Variants in FERRY3 observed in about 807,000 individuals in gnomAD.
FERRY3 encodes the protein FERRY endosomal RAB5 effector complex subunit 3.
chr12:4,508,878 C>G, the FERRY3 span: 1 of 152,188 alleles, frequency 6.6e-6, no homozygotes, highest in Non-Finnish European at 1.5e-5. Context: ...TGACTATTAC[C>G]CTAATATTTA....
At chr12:4,510,302 C>A in the FERRY3 span, among the ~76,000 whole-genome samples, 1 of 146,408 alleles carries the variant, frequency 6.8e-6, no homozygotes, top group African/African-American at 2.6e-5. Context: ...GAGAATGGAA[C>A]CAAGTTGGAA....
At chr12:4,516,294 C>A in the FERRY3 span, among the ~76,000 whole-genome samples, 1 of 152,184 alleles carries the variant, frequency 6.6e-6, no homozygotes, top group African/African-American at 2.4e-5. Flanking sequence ...AGTTTTCACT[C>A]AGAACCTTGA....
chr12:4,519,397 TCTC>T, the FERRY3 span, among the ~76,000 whole-genome samples: 1 of 152,158 alleles, frequency 6.6e-6, no homozygotes, highest in Non-Finnish European at 1.5e-5. This position sits in a 1 kb window ranked among gnomAD's most constrained non-coding sequence, Gnocchi z 4.3. Context: ...CCTCCAACAT[TCTC>T]CTCCCACTAA....
chr12:4,495,878 A>G, the FERRY3 span, among the ~76,000 whole-genome samples: 1 of 152,244 alleles, frequency 6.6e-6, no homozygotes, highest in African/African-American at 2.4e-5. Context: ...AATGCTATTT[A>G]GAGAATATAC....
the FERRY3 span, among the ~76,000 whole-genome samples, chr12:4,537,714 ATTTG>A: frequency 2.6e-5 from 4 of 152,224 alleles, no homozygotes; most frequent in Non-Finnish European, 2.9e-5. Flanking sequence ...GAGATAGGGT[ATTTG>A]TTTTACTCAG....
At chr12:4,506,450 G>C in the FERRY3 span, among the ~76,000 whole-genome samples, 1 of 152,158 alleles carries the variant, frequency 6.6e-6, no homozygotes, top group Admixed American at 6.5e-5. Context: ...AAGAGTCAGA[G>C]AGATAGAAGG....
the FERRY3 span, among the ~76,000 whole-genome samples, chr12:4,531,929 A>T: frequency 6.6e-6 from 1 of 152,090 alleles, no homozygotes; most frequent in African/African-American, 2.4e-5. Context: ...AGTCCCAATT[A>T]GGGAAAAGGA....
At chr12:4,502,334 A>T in the FERRY3 span, 38 of 425,120 alleles carry the variant, frequency 8.9e-5, no homozygotes, top group South Asian at 6.5e-4. The surrounding 1 kb of genome is among the most constrained non-coding windows in gnomAD (Gnocchi z 4.2). Flanking sequence ...GGTACTCGAT[A>T]AGTATTTGTT....
the FERRY3 span, among the ~76,000 whole-genome samples, chr12:4,521,086 T>C: frequency 6.6e-6 from 1 of 151,908 alleles, no homozygotes; most frequent in Admixed American, 6.6e-5. Context: ...ATAGGCTGGG[T>C]GCGGTGGCTC....
chr12:4,488,058 C>T, the FERRY3 span: 1 of 152,152 alleles, frequency 6.6e-6, no homozygotes, highest in Admixed American at 6.6e-5. The surrounding 1 kb of genome is among the most constrained non-coding windows in gnomAD (Gnocchi z 4.9). Context: ...GTGTTTCCAT[C>T]AGTGGTAACA....
the FERRY3 span, among the ~76,000 whole-genome samples, chr12:4,513,656 C>T: frequency 6.6e-6 from 1 of 151,938 alleles, no homozygotes; most frequent in African/African-American, 2.4e-5. Flanking sequence ...GGATTCCCTA[C>T]TTAATAAATG....
the FERRY3 span, among the ~76,000 whole-genome samples, chr12:4,526,971 A>AT: frequency 6.6e-6 from 1 of 152,176 alleles, no homozygotes; most frequent in Non-Finnish European, 1.5e-5. Context: ...TAAATATTCA[A>AT]TATCACTTAA....
chr12:4,497,281 A>T, the FERRY3 span, among the ~76,000 whole-genome samples: 11 of 152,336 alleles, frequency 7.2e-5, no homozygotes, highest in African/African-American at 9.6e-5. Flanking sequence ...GCCAGATATA[A>T]GATAAACAGC....
chr12:4,499,159 C>T, the FERRY3 span, among the ~76,000 whole-genome samples: 2,722 of 152,324 alleles, frequency 0.018, 36 homozygotes, highest in Middle Eastern at 0.034. Flanking sequence ...TCTTTCCTGA[C>T]AATCACAATC....
chr12:4,523,175 C>G, the FERRY3 span, among the ~76,000 whole-genome samples: 16 of 152,196 alleles, frequency 1.1e-4, no homozygotes, highest in East Asian at 2.7e-3. Context: ...TATAAGGGTT[C>G]CATATATAGT....
At chr12:4,528,186 G>T in the FERRY3 span, among the ~76,000 whole-genome samples, 1 of 152,060 alleles carries the variant, frequency 6.6e-6, no homozygotes, top group South Asian at 2.1e-4. Flanking sequence ...GGCAGAATGA[G>T]TATAGTCACA....
At chr12:4,505,770 G>A in the FERRY3 span, among the ~76,000 whole-genome samples, 59 of 152,300 alleles carry the variant, frequency 3.9e-4, 1 homozygote, top group Middle Eastern at 3.4e-3. Context: ...AGGGCACCAA[G>A]TTAACCACAT....
At chr12:4,498,657 TTATA>T in the FERRY3 span, among the ~76,000 whole-genome samples, 6 of 152,118 alleles carry the variant, frequency 3.9e-5, no homozygotes, top group Non-Finnish European at 8.8e-5. Flanking sequence ...TTTTTTGTGT[TTATA>T]TAGCAGCAGG....
the FERRY3 span, among the ~76,000 whole-genome samples, chr12:4,519,798 G>A: frequency 2.0e-5 from 3 of 152,312 alleles, no homozygotes; most frequent in Admixed American, 2.0e-4. This position sits in a 1 kb window ranked among gnomAD's most constrained non-coding sequence, Gnocchi z 4.3. Context: ...ACTGTATTGT[G>A]AACTGCGCAT....
Sources: gnomAD v4.1 joint callset for allele counts (sites outside exome capture counted in the v4.1 genomes callset) on GRCh38, gnomAD v4.1.1 for gene constraint, Gnocchi (gnomAD v3.1) non-coding constraint, MANE v1.5 for transcripts, NCBI Gene and HGNC (gene_info 2026-07-23, HGNC 2026-07-21) for gene names.